LEPR: variants seen among roughly 807,000 people sequenced by gnomAD.
The protein encoded by LEPR is leptin receptor.
LEPR carries 56 observed loss-of-function variants against 114.7 expected under a neutral mutation model. The ratio of observed to expected loss-of-function variants is 0.49; its 90% CI spans 0.39 to 0.61. LEPR has a LOEUF of 0.61. LEPR is among the 20% of genes least tolerant of loss of function. LEPR has a pLI of 0.00. For missense variants in LEPR, 1,202 were observed against 1,352.9 expected (o/e 0.89, Z 1.75); for synonymous variants, 443 against 461.4 (o/e 0.96, Z 0.51).
At chr1:65,455,070 C>A (rs544428612) in intron 2 of LEPR, among the ~76,000 whole-genome samples, 1 of 152,172 alleles carries the variant, frequency 6.6e-6, no homozygotes, top group African/African-American at 2.4e-5. Flanking sequence ...TCCAGTTGAT[C>A]GCATCGGCTC....
intron 2 of LEPR, among the ~76,000 whole-genome samples, chr1:65,530,611 C>T (rs1650320008): frequency 6.6e-6 from 1 of 152,108 alleles, no homozygotes; most frequent in Non-Finnish European, 1.5e-5. Flanking sequence ...TTTCATGGCG[C>T]TGGTGGGAGT....
intron 2 of LEPR, among the ~76,000 whole-genome samples, chr1:65,518,933 C>CTCTCTG (rs1431224364): frequency 7.7e-4 from 107 of 139,422 alleles, no homozygotes; most frequent in African/African-American, 2.8e-3. Context: ...TTCTCTGTTT[C>CTCTCTG]TTTCTTTCTC....
intron 2 of LEPR, among the ~76,000 whole-genome samples, chr1:65,549,304 G>A (rs1217716962): frequency 2.0e-5 from 3 of 149,292 alleles, no homozygotes; most frequent in East Asian, 2.0e-4. Context: ...TGCTCTTCTC[G>A]AGGAGTATCT....
At chr1:65,449,061 T>G (rs1383359190) in intron 2 of LEPR, among the ~76,000 whole-genome samples, 3 of 152,138 alleles carry the variant, frequency 2.0e-5, no homozygotes, top group Non-Finnish European at 2.9e-5. Context: ...GCCCAGCTAA[T>G]TTTTGTATTT....
intron 14 of LEPR, among the ~76,000 whole-genome samples, chr1:65,613,702 G>A (rs910486702): frequency 2.5e-5 from 2 of 79,408 alleles, no homozygotes; most frequent in African/African-American, 9.2e-5. Context: ...GCAGTGAGCC[G>A]AGATTGCGCC....
At chr1:65,464,547 G>T (rs1017414676) in intron 2 of LEPR, among the ~76,000 whole-genome samples, 1 of 152,204 alleles carries the variant, frequency 6.6e-6, no homozygotes, top group Non-Finnish European at 1.5e-5. Flanking sequence ...CATAAAATGA[G>T]TTAGGGAGGA....
chr1:65,466,589 G>A (rs1647015940), intron 2 of LEPR, among the ~76,000 whole-genome samples: 1 of 152,162 alleles, frequency 6.6e-6, no homozygotes, highest in South Asian at 2.1e-4. Context: ...CTAGGTTGGG[G>A]AAGTTCTCCT....
chr1:65,635,245 C>T (rs1287492370), intron 19 of LEPR: 3 of 978,786 alleles, frequency 3.1e-6, no homozygotes, highest in Non-Finnish European at 3.6e-6. Flanking sequence ...TTTCTATAGC[C>T]CTTAATTTAG....
intron 2 of LEPR, chr1:65,434,821 G>T (rs1168215988): frequency 4.5e-5 from 44 of 985,316 alleles, no homozygotes; most frequent in Non-Finnish European, 4.9e-5. Context: ...TCATATTCCA[G>T]AGTCACCCAC....
At chr1:65,433,726 A>T in intron 2 of LEPR, 1 of 917,846 alleles carries the variant, frequency 1.1e-6, no homozygotes, top group Non-Finnish European at 1.3e-6. Context: ...TTATTTAGAT[A>T]CTTTATAATT....
At chr1:65,567,239 C>G (rs1443572656) in intron 3 of LEPR, among the ~76,000 whole-genome samples, 1 of 152,140 alleles carries the variant, frequency 6.6e-6, no homozygotes, top group Non-Finnish European at 1.5e-5. Context: ...TCAATAGTTG[C>G]TATGTTTTTA....
intron 19 of LEPR, among the ~76,000 whole-genome samples, chr1:65,625,383 A>G (rs1658137274): frequency 6.6e-6 from 1 of 152,190 alleles, no homozygotes; most frequent in Admixed American, 6.5e-5. Context: ...ACCAGTCACT[A>G]TAGTATGCCC....
rs191462509 is a variant in LEPR at position 65,613,476 on chromosome 1, G to A, written c.1996-2532G>A. ...AAATCTTTAAGATTCAACAGGGGCC[G>A]GGCGCGGTGGCTCACGCCTGTAATC... is the stretch of plus-strand genomic sequence containing the variant. On this transcript the variant is annotated intron_variant, in intron 14 of 19. Transcript: ENST00000349533. Among the ~76,000 whole-genome samples, 536 of 97,728 alleles carry A rather than the reference G, an allele frequency of 5.5e-3. 61 individuals carry two copies. The highest frequency in any genetic ancestry group is 0.031 in the East Asian group (8 of 254). The allele number at this position is 97,728 out of a possible 152,430, so 64.1% of individuals were successfully genotyped here.
chr1:65,594,316 A>G (rs1156623442), intron 6 of LEPR, among the ~76,000 whole-genome samples: 3 of 152,068 alleles, frequency 2.0e-5, no homozygotes, highest in Non-Finnish European at 4.4e-5. Context: ...CCTTTGTGCT[A>G]GGAGTGAAAG....
chr1:65,456,285 A>G (rs953282311), intron 2 of LEPR, among the ~76,000 whole-genome samples: 1 of 151,934 alleles, frequency 6.6e-6, no homozygotes, highest in African/African-American at 2.4e-5. Flanking sequence ...AGCTGTTCCT[A>G]TTCGGCCATC....
intron 5 of LEPR, among the ~76,000 whole-genome samples, chr1:65,590,531 T>A (rs551647362): frequency 2.6e-4 from 39 of 151,890 alleles, no homozygotes; most frequent in Non-Finnish European, 4.9e-4. Flanking sequence ...TCATGAGAGC[T>A]GATGGTTTTA....
intron 2 of LEPR, among the ~76,000 whole-genome samples, chr1:65,467,497 CCA>C (rs767225654): frequency 5.3e-5 from 8 of 152,116 alleles, no homozygotes; most frequent in Non-Finnish European, 1.0e-4. Flanking sequence ...GGTCAGGGAC[CCA>C]CTTGAGGAGG....
chr1:65,446,985 CCAT>C (rs1646721628), intron 2 of LEPR, among the ~76,000 whole-genome samples: 1 of 152,086 alleles, frequency 6.6e-6, no homozygotes, highest in Admixed American at 6.5e-5. Context: ...GTGCCCACCA[CCAT>C]GCCTGGCTAA....
intron 2 of LEPR, among the ~76,000 whole-genome samples, chr1:65,472,431 C>CACACACACACAT (rs1168438085): frequency 1.4e-5 from 2 of 143,466 alleles, no homozygotes; most frequent in Admixed American, 6.8e-5. Flanking sequence ...CACACACACA[C>CACACACACACAT]ACACACACAC....
Sources: allele counts gnomAD v4.1 joint callset (sites outside exome capture counted in the v4.1 genomes callset), GRCh38; gene constraint gnomAD v4.1.1; transcripts MANE v1.5; gene names NCBI Gene and HGNC (gene_info 2026-07-23, HGNC 2026-07-21).